FRYL: variants seen among roughly 807,000 people sequenced by gnomAD.
FRYL encodes the protein protein furry homolog-like.
FRYL carries 150 observed loss-of-function variants against 351.2 expected under a neutral mutation model. That is an observed-to-expected ratio of 0.43 (90% CI 0.37 to 0.49). FRYL has a LOEUF of 0.49. Ranked by LOEUF, FRYL falls within the 20% of genes least tolerant of loss-of-function variation. The pLI is 0.00. For synonymous variants in FRYL, 1,153 were observed against 1,257.1 expected, an observed-to-expected ratio of 0.92 and a Z score of 1.75; for missense variants, 3,036 against 3,619.3, an observed-to-expected ratio of 0.84 and a Z score of 4.13.
chr4:48,534,700 A>ACTTTT lies in FRYL; in HGVS notation c.6565-16_6565-15insAAAAG. On this transcript the variant is annotated splice_polypyrimidine_tract_variant and intron_variant, in intron 48 of 63. Coordinates refer to ENST00000358350, the MANE Select transcript of FRYL (RefSeq NM_015030.2). ...TTCTCTAACAGCTAAAAATAATGTT[A>ACTTTT]AAAGTAATATTAAAGTATACTTTAA... The ACTTTT allele has an allele frequency of 6.9e-7, 1 of 1,455,092 alleles. No individual in the cohort carries two copies. Among genetic ancestry groups the ACTTTT allele is most frequent in the Non-Finnish European group, 9.5e-7 (1 of 1,053,324 alleles). The allele number at this position is 1,455,092 out of a possible 1,614,324, so 90.1% of individuals were successfully genotyped here. A position where few individuals can be genotyped will look rare whatever the true frequency, so the allele number is the denominator to read the frequency against.
chr4:48,667,528 T>C (rs2149491770), intron 3 of FRYL, among the ~76,000 whole-genome samples: 1 of 150,282 alleles, frequency 6.7e-6, no homozygotes, highest in Non-Finnish European at 1.5e-5. Flanking sequence ...AGATAAGCAA[T>C]ATAGTAGGAT....
intron 19 of FRYL, among the ~76,000 whole-genome samples, chr4:48,583,766 G>C (rs546939777): frequency 6.6e-6 from 1 of 151,988 alleles, no homozygotes; most frequent in African/African-American, 2.4e-5. Flanking sequence ...TTAACCAGGC[G>C]TGGTGGTGCA....
At position 48,780,255 on chromosome 4, in the gene FRYL, C is replaced by T. The variant is rs1183324020; in HGVS notation, c.-561G>A. On this transcript the variant is annotated 5_prime_UTR_variant, in exon 1 of 64. Transcript: ENST00000358350. Reference sequence around the variant, plus strand: ...ATTTTAACCGGATTTCTCTCTCGCTCTCTCCCAGAGCCCGACGGGCGCCCG... The same window carrying T: ...ATTTTAACCGGATTTCTCTCTCGCTTTCTCCCAGAGCCCGACGGGCGCCCG... 2 of 152,690 alleles carry T rather than the reference C, an allele frequency of 1.3e-5. No homozygotes were observed. Among genetic ancestry groups the T allele is most frequent in the Admixed American group, 6.6e-5 (1 of 15,258 alleles). 9.5% of individuals were successfully genotyped at this position (152,690 alleles called of 1,614,324 possible). A position where few individuals can be genotyped will look rare whatever the true frequency, so the allele number is the denominator to read the frequency against.
chr4:48,582,739 C>A lies in FRYL; in HGVS notation c.1749-5G>T. 6.2e-7 allele frequency: 1 copy of A among 1,603,264 alleles called. No individual in the cohort carries two copies. The highest frequency in any genetic ancestry group is 1.3e-5 in the African/African-American group (1 of 74,758). On this transcript the variant is annotated splice_region_variant and splice_polypyrimidine_tract_variant and intron_variant, in intron 19 of 63. Coordinates refer to ENST00000358350, the MANE Select transcript of FRYL (RefSeq NM_015030.2). ...TCATCCATATGAATTGTGAGCCTAC[C>A]AAGAACAAAATTCCATTAGCAAACT... is the stretch of plus-strand genomic sequence containing the variant.
At position 48,663,302 on chromosome 4, in the gene FRYL, A is replaced by G. The variant is rs1761133673; in HGVS notation, c.-81+21371T>C. 4.7e-5 allele frequency among the ~76,000 whole-genome samples: 7 copies of G among 149,034 alleles called. No individual in the cohort carries two copies. The South Asian group carries it at 1.5e-3, about 32-fold the overall frequency. Reference sequence around the variant, plus strand: ...TGAGAAGTTGAAATTCATTTTATAAACCCCAGAACAGCTACTTTTTAATTA... The same window carrying G: ...TGAGAAGTTGAAATTCATTTTATAAGCCCCAGAACAGCTACTTTTTAATTA... On this transcript the variant is annotated intron_variant, in intron 3 of 63. Transcript: ENST00000358350.
At chr4:48,736,170 A>G (rs1437158749) in intron 1 of FRYL, among the ~76,000 whole-genome samples, 1 of 152,070 alleles carries the variant, frequency 6.6e-6, no homozygotes, top group African/African-American at 2.4e-5. Context: ...TTTAACCACA[A>G]TGAAAATGAA....
chr4:48,529,385 T>C (rs1727023151), intron 50 of FRYL, among the ~76,000 whole-genome samples: 1 of 152,182 alleles, frequency 6.6e-6, no homozygotes, highest in Non-Finnish European at 1.5e-5. Flanking sequence ...GAATTTTTGA[T>C]GCAACAAATT....
intron 30 of FRYL, 47 bp from the exon 31 acceptor site, chr4:48,564,149 T>C: frequency 6.2e-7 from 1 of 1,603,642 alleles, no homozygotes; most frequent in Non-Finnish European, 8.5e-7. Flanking sequence ...TTATATATTT[T>C]TTGTCTATTT....
intron 4 of FRYL, among the ~76,000 whole-genome samples, chr4:48,624,871 A>G (rs1578403709): frequency 2.6e-5 from 4 of 152,228 alleles, no homozygotes; most frequent in Admixed American, 1.3e-4. Flanking sequence ...TGACCTTCCC[A>G]TAAGTAAGAG....
At chr4:48,511,124 C>A in intron 57 of FRYL, 140 bp from the exon 58 acceptor site, 1 of 531,118 alleles carries the variant, frequency 1.9e-6, no homozygotes, top group South Asian at 3.5e-5. Flanking sequence ...ATCTATAAAT[C>A]CATATTTTTA....
chr4:48,740,006 C>T (rs1434224675), intron 1 of FRYL, among the ~76,000 whole-genome samples: 3 of 152,190 alleles, frequency 2.0e-5, no homozygotes, highest in African/African-American at 7.2e-5. Flanking sequence ...TCATAAGATG[C>T]AGTCCCTCAA....
intron 57 of FRYL, among the ~76,000 whole-genome samples, chr4:48,511,541 A>G (rs1320979830): frequency 6.6e-6 from 1 of 152,224 alleles, no homozygotes; most frequent in African/African-American, 2.4e-5. Context: ...TATTACATCA[A>G]TGGTTAAAGT....
intron 55 of FRYL, among the ~76,000 whole-genome samples, chr4:48,515,650 G>C (rs1196841917): frequency 6.6e-6 from 1 of 152,122 alleles, no homozygotes; most frequent in Admixed American, 6.5e-5. Context: ...GGGATTACAG[G>C]TGTGAGACAC....
intron 3 of FRYL, among the ~76,000 whole-genome samples, chr4:48,682,598 G>T (rs1764740512): frequency 6.6e-6 from 1 of 152,104 alleles, no homozygotes; most frequent in Non-Finnish European, 1.5e-5. Flanking sequence ...GCATCAAAAA[G>T]TGGTCAAAGG....
chr4:48,681,170 G>A (rs1263805449), intron 3 of FRYL: 2 of 912,080 alleles, frequency 2.2e-6, no homozygotes, highest in South Asian at 2.4e-5. Flanking sequence ...ACACAGAAAG[G>A]TGCCTATACC....
At chr4:48,694,566 G>C (rs1286184509) in intron 2 of FRYL, among the ~76,000 whole-genome samples, 1 of 151,830 alleles carries the variant, frequency 6.6e-6, no homozygotes, top group Non-Finnish European at 1.5e-5. Context: ...CAAAGTGCTG[G>C]GATTATAGGT....
chr4:48,569,711 T>C (rs147202117), intron 27 of FRYL, among the ~76,000 whole-genome samples: 3 of 152,340 alleles, frequency 2.0e-5, no homozygotes, highest in African/African-American at 4.8e-5. Flanking sequence ...CAATGCTACA[T>C]ATGAAAGGTG....
intron 1 of FRYL, among the ~76,000 whole-genome samples, chr4:48,733,633 A>G (rs1409946100): frequency 6.6e-6 from 1 of 152,168 alleles, no homozygotes; most frequent in African/African-American, 2.4e-5. Flanking sequence ...TAAATTATAT[A>G]TGCATACATA....
chr4:48,755,365 C>T (rs567767792), intron 1 of FRYL, among the ~76,000 whole-genome samples: 16 of 152,270 alleles, frequency 1.1e-4, no homozygotes, highest in Middle Eastern at 3.4e-3. Flanking sequence ...TTTTCATTCA[C>T]ATCATTACAA....
Sources: gnomAD v4.1 joint callset for allele counts (sites outside exome capture counted in the v4.1 genomes callset) on GRCh38, gnomAD v4.1.1 for gene constraint, MANE v1.5 for transcripts, NCBI Gene and HGNC (gene_info 2026-07-23, HGNC 2026-07-21) for gene names.